Variants in MPI observed in about 807,000 individuals in gnomAD.
MPI encodes mannose-6-phosphate isomerase.
In MPI, 33 loss-of-function variants were observed where a neutral mutation model predicts 40.1. The observed-to-expected ratio is 0.82, with a 90% CI of 0.62 to 1.10. The LOEUF is 1.10. Ranked by LOEUF, MPI falls within the 50% of genes least tolerant of loss-of-function variation. The pLI is 0.00. For synonymous variants in MPI, 187 were observed against 207.4 expected, an observed-to-expected ratio of 0.90 and a Z score of 0.85; for missense variants, 514 against 524.1, an observed-to-expected ratio of 0.98 and a Z score of 0.19.
rs917815123 is a variant in MPI at position 74,898,689 on chromosome 15, C to G, written c.*959C>G. On this transcript the variant is annotated 3_prime_UTR_variant, in exon 8 of 8. Transcript: ENST00000352410. ...AGTAGCTGGGACCACAGGCGCCCAC[C>G]ACCACGCCCAGCCAATTTTTTTGGT... 6.6e-6 allele frequency: 1 copy of G among 152,288 alleles called. No individual in the cohort carries two copies. The highest frequency in any genetic ancestry group is 1.5e-5 in the Non-Finnish European group (1 of 68,114). The allele number at this position is 152,288 out of a possible 1,614,324, so 9.4% of individuals were successfully genotyped here. A position where few individuals can be genotyped will look rare whatever the true frequency, so the allele number is the denominator to read the frequency against.
At chr15:74,893,094 T>C (rs2064750767) in intron 4 of MPI, 44 bp from the exon 5 acceptor site, 1 of 1,611,108 alleles carries the variant, frequency 6.2e-7, no homozygotes, top group African/African-American at 1.3e-5. Context: ...GTGGGTTCCA[T>C]CTTACCATTC....
At chr15:74,896,389 A>T in intron 6 of MPI, 64 bp downstream of exon 6, 1 of 1,593,308 alleles carries the variant, frequency 6.3e-7, no homozygotes. Flanking sequence ...CCCTATCTGG[A>T]CAAAGGAAGG....
In MPI at chr15:74,891,508, G is replaced by A. The variant is rs1195848550; in HGVS notation, c.274G>A (p.Gly92Ser). Residue 92 changes from glycine (G) to serine (S), a missense_variant, in exon 3 of 8, where the codon GGC becomes AGC. Physicochemically the swap from Gly to Ser is moderately conservative, Grantham distance 56. Coordinates refer to ENST00000352410, the MANE Select transcript of MPI (RefSeq NM_002435.3). Reference protein sequence around the residue: ...LGSKVKDTFNGNLPFLFKVLS... With the variant: ...LGSKVKDTFNSNLPFLFKVLS... ...CTCAAAGGTCAAGGACACCTTTAAT[G>A]GCAACCTGCCCTTCCTCTTCAAAGT... is the stretch of plus-strand genomic sequence containing the variant. 3.1e-6 allele frequency: 5 copies of A among 1,614,194 alleles called. No individual in the cohort carries two copies. Among genetic ancestry groups the A allele is most frequent in the Non-Finnish European group, 4.2e-6 (5 of 1,180,038 alleles).
At chr15:74,895,618 T>G in intron 5 of MPI, 1 of 155,952 alleles carries the variant, frequency 6.4e-6, no homozygotes, top group Admixed American at 6.2e-5. Flanking sequence ...AGCTCGGGCA[T>G]GTTGGTTACC....
chr15:74,896,944 A>G, intron 6 of MPI, 67 bp from the exon 7 acceptor site: 45 of 1,478,500 alleles, frequency 3.0e-5, no homozygotes, highest in Non-Finnish European at 4.2e-5. Context: ...AGCTCAGGTT[A>G]GGAGGCCCAG....
At position 74,900,982 on chromosome 15, in the gene MPI, T is replaced by C. The variant is rs1277041773; in HGVS notation, c.*3252T>C. 6.6e-6 allele frequency: 1 copy of C among 152,240 alleles called. No individual in the cohort carries two copies. Among genetic ancestry groups the C allele is most frequent in the East Asian group, 1.9e-4 (1 of 5,206 alleles). 9.4% of individuals were successfully genotyped at this position (152,240 alleles called of 1,614,324 possible). A position where few individuals can be genotyped will look rare whatever the true frequency, so the allele number is the denominator to read the frequency against. ...AATAACAAATAAGGCCGTATCTTTT[T>C]ATTAGACTTGCTCATCTTCTAGTCA... On this transcript the variant is annotated 3_prime_UTR_variant, in exon 8 of 8. Transcript: ENST00000352410.
At position 74,895,991 on chromosome 15, in the gene MPI, C is replaced by A. The variant is rs187818510; in HGVS notation, c.671-161C>A. 49 of 713,496 alleles carry A rather than the reference C, an allele frequency of 6.9e-5. No individual in the cohort carries two copies. The African/African-American group carries it at 7.5e-4, about 11-fold the overall frequency. 44.2% of individuals were successfully genotyped at this position (713,496 alleles called of 1,614,324 possible). A position where few individuals can be genotyped will look rare whatever the true frequency, so the allele number is the denominator to read the frequency against. On this transcript the variant is annotated intron_variant, in intron 5 of 7. Coordinates refer to ENST00000352410, the MANE Select transcript of MPI (RefSeq NM_002435.3). ...ATGGACTGGAGTATCAAGCAAGGCT[C>A]GACCCCCAAAGGGCTGGAGGCGTGG... is the stretch of plus-strand genomic sequence containing the variant.
intron 7 of MPI, 59 bp from the exon 8 acceptor site, chr15:74,897,453 C>G (rs1026833659): frequency 6.4e-7 from 1 of 1,551,492 alleles, no homozygotes; most frequent in Non-Finnish European, 8.9e-7. Context: ...TGTCCTGGGC[C>G]CATGAGCTGA....
Position 74,893,562 on chromosome 15 carries a change from T to C in MPI, c.670+242T>C. 4 of 630,312 alleles carry C rather than the reference T, an allele frequency of 6.3e-6. No individual in the cohort carries two copies. In the South Asian group the frequency reaches 7.1e-5, roughly 11 times the overall value. The allele number at this position is 630,312 out of a possible 1,614,324, so 39.0% of individuals were successfully genotyped here. A position where few individuals can be genotyped will look rare whatever the true frequency, so the allele number is the denominator to read the frequency against. On this transcript the variant is annotated intron_variant, in intron 5 of 7. Transcript: ENST00000352410. Reference sequence around the variant, plus strand: ...CCAGATGGTTGGAGGCAGACTGGCATAGAGGACTCTTAGGATGCCTTCCAC... The same window carrying C: ...CCAGATGGTTGGAGGCAGACTGGCACAGAGGACTCTTAGGATGCCTTCCAC...
rs750903851 is a variant in MPI, at chr15:74,897,646, C to A, written c.1188C>A (p.Leu396=). The A allele has an allele frequency of 6.2e-7, 1 of 1,614,100 alleles. No individual in the cohort carries two copies. Among genetic ancestry groups the A allele is most frequent in the Non-Finnish European group, 8.5e-7 (1 of 1,180,046 alleles). Residue 396 remains leucine, a synonymous_variant, in exon 8 of 8, where the codon CTC becomes CTA. Coordinates refer to ENST00000352410, the MANE Select transcript of MPI (RefSeq NM_002435.3). The part of the protein sequence containing the change: ...TPIPLQRGGV[L]FIGANESVSL... ...TCCCTCTGCAACGTGGTGGCGTGCT[C>A]TTCATTGGGGCCAATGAGAGTGTCT...
chr15:74,897,761 A>G lies in MPI; in HGVS notation c.*31A>G. 1.2e-6 allele frequency: 2 copies of G among 1,607,070 alleles called. No individual in the cohort carries two copies. The highest frequency in any genetic ancestry group is 1.7e-6 in the Non-Finnish European group (2 of 1,174,870). ...GCAGCCTCCCCAGCTCTCCTCTGCC[A>G]GCCACCCTAAATTCCAGCCAACCTC... On this transcript the variant is annotated 3_prime_UTR_variant, in exon 8 of 8. Coordinates refer to ENST00000352410, the MANE Select transcript of MPI (RefSeq NM_002435.3).
rs1227920072 is a variant in MPI at position 74,898,255 on chromosome 15, T to C, written c.*525T>C. On this transcript the variant is annotated 3_prime_UTR_variant, in exon 8 of 8. Coordinates refer to ENST00000352410, the MANE Select transcript of MPI (RefSeq NM_002435.3). ...CTGTGGGGTAATGAGCACTCAGCCTTTGGGGTACCTGTTCCTAAAGTGGGC... is the reference window on the plus strand; with the variant it reads ...CTGTGGGGTAATGAGCACTCAGCCTCTGGGGTACCTGTTCCTAAAGTGGGC... 9.4e-6 allele frequency: 2 copies of C among 213,488 alleles called. No homozygotes were observed. The highest frequency in any genetic ancestry group is 1.9e-5 in the Non-Finnish European group (2 of 103,882). 13.2% of individuals were successfully genotyped at this position (213,488 alleles called of 1,614,324 possible). A position where few individuals can be genotyped will look rare whatever the true frequency, so the allele number is the denominator to read the frequency against.
Position 74,896,181 on chromosome 15 carries a change from T to C in MPI, c.700T>C (p.Phe234Leu). The C allele has an allele frequency of 6.2e-7, 1 of 1,614,116 alleles. No homozygotes were observed. The highest frequency in any genetic ancestry group is 1.6e-4 in the Middle Eastern group (1 of 6,062). The stretch of plus-strand genomic sequence containing the variant: ...TGCCGGAAACAACATGGAGGACATC[T>C]TTGGGGAGCTTTTGCTACAGCTGCA... ...AAAGNNMEDI[F>L]GELLLQLHQQ... The change falls in exon 6 of 8, where the codon TTT becomes CTT. Residue 234 changes from phenylalanine to leucine, a missense_variant. By Grantham distance (22) the Phe-to-Leu change is conservative. Coordinates refer to ENST00000352410, the MANE Select transcript of MPI (RefSeq NM_002435.3).
In MPI at chr15:74,890,579, C is replaced by T. The variant is rs140124850; in HGVS notation, c.69C>T (p.Ser23=). 5.9e-5 allele frequency: 96 copies of T among 1,614,010 alleles called. No individual in the cohort carries two copies. Among genetic ancestry groups the T allele is most frequent in the Non-Finnish European group, 7.5e-5 (88 of 1,180,036 alleles). ...VQQYAWGKMG[S]NSEVARLLAS... is the part of the protein sequence containing the mutation. ...AGTATGCCTGGGGGAAGATGGGTTC[C>T]AACAGCGAAGTGGCGCGGCTGTTGG... The change falls in exon 2 of 8, where the codon TCC becomes TCT. Residue 23 remains serine, a synonymous_variant. Coordinates refer to ENST00000352410, the MANE Select transcript of MPI (RefSeq NM_002435.3).
chr15:74,890,952 C>T (rs1567264709), intron 2 of MPI: 1 of 576,462 alleles, frequency 1.7e-6, no homozygotes, highest in Non-Finnish European at 3.2e-6. Flanking sequence ...TTTTTATTAA[C>T]CTAAAATATT....
At chr15:74,893,418 G>A in intron 5 of MPI, 98 bp downstream of exon 5, 1 of 1,401,940 alleles carries the variant, frequency 7.1e-7, no homozygotes, top group East Asian at 2.3e-5. Flanking sequence ...CCTTGCCCAA[G>A]TGGAACACTA....
intron 2 of MPI, 24 bp downstream of exon 2, chr15:74,890,678 C>G (rs764740561): frequency 6.2e-7 from 1 of 1,611,968 alleles, no homozygotes; most frequent in Non-Finnish European, 8.5e-7. Context: ...TGTATTTCAG[C>G]CCACTTTACC....
rs2064740810 is a variant in MPI at position 74,892,452 on chromosome 15, C to T, written c.346-209C>T. On this transcript the variant is annotated intron_variant, in intron 3 of 7. Coordinates refer to ENST00000352410, the MANE Select transcript of MPI (RefSeq NM_002435.3). ...TGCCCCAGCTTTTCCCTGATTTGCC[C>T]CGGGGTTGCCCCTGATTTGCCCCTG... Among the ~76,000 whole-genome samples, 3 of 152,216 alleles carry T rather than the reference C, an allele frequency of 2.0e-5. No individual in the cohort carries two copies. In the South Asian group the frequency reaches 6.2e-4, roughly 32 times the overall value.
intron 6 of MPI, chr15:74,896,636 C>G (rs1567268887): frequency 1.6e-6 from 1 of 611,902 alleles, no homozygotes; most frequent in Non-Finnish European, 2.9e-6. Context: ...CTGTCACAGC[C>G]TTTGTATGTC....
Sources: allele counts gnomAD v4.1 joint callset (sites outside exome capture counted in the v4.1 genomes callset), GRCh38; gene constraint gnomAD v4.1.1; transcripts MANE v1.5; gene names NCBI Gene and HGNC (gene_info 2026-07-23, HGNC 2026-07-21).